Variants in CR1L observed in about 807,000 individuals in gnomAD.
CR1L encodes complement C3b/C4b receptor 1 like.
CR1L carries 59 observed loss-of-function variants against 62.3 expected under a neutral mutation model. The ratio of observed to expected loss-of-function variants is 0.95; its 90% CI spans 0.77 to 1.18. The LOEUF (loss-of-function observed/expected upper bound fraction) is 1.18. Among genes scored for constraint, CR1L ranks in the 50% most tolerant of loss-of-function variants. The pLI is 0.00. For missense variants in CR1L, 700 were observed against 702.8 expected (o/e 1.00, Z 0.04); for synonymous variants, 279 against 248.7 (o/e 1.12, Z -1.15).
At chr1:207,703,910 C>T (rs978268480) in intron 9 of CR1L, among the ~76,000 whole-genome samples, 4 of 151,704 alleles carry the variant, frequency 2.6e-5, no homozygotes, top group South Asian at 2.1e-4. Context: ...GCCGAGATTG[C>T]GTCACCGCAC....
intron 4 of CR1L, among the ~76,000 whole-genome samples, chr1:207,693,463 T>G (rs1368615837): frequency 6.6e-6 from 1 of 152,232 alleles, no homozygotes. Flanking sequence ...CTTGGAAATT[T>G]CTCAGTTATT....
chr1:207,672,066 C>G (rs1663622903), intron 1 of CR1L, among the ~76,000 whole-genome samples: 1 of 150,948 alleles, frequency 6.6e-6, no homozygotes, highest in South Asian at 2.1e-4. Context: ...TGTCAATGAT[C>G]TAAAGGCACC....
At chr1:207,707,823 T>G (rs1305776304) in intron 9 of CR1L, among the ~76,000 whole-genome samples, 1 of 46,124 alleles carries the variant, frequency 2.2e-5, no homozygotes. Context: ...CACACACATA[T>G]TAAGGGAATA....
Position 207,701,596 on chromosome 1 carries a change from A to G in CR1L, c.1306A>G (p.Ile436Val). 1 of 1,613,782 alleles carries G rather than the reference A, an allele frequency of 6.2e-7. No homozygotes were observed. Among genetic ancestry groups the G allele is most frequent in the African/African-American group, 1.3e-5 (1 of 75,026 alleles). Residue 436 changes from isoleucine to valine, a missense_variant, in exon 9 of 12, where the codon ATC becomes GTC. Ile to Val is a conservative substitution (Grantham distance 29, BLOSUM62 3). Coordinates refer to ENST00000508064, the MANE Select transcript of CR1L (RefSeq NM_175710.2). ...CACAGACATCCATGTTGGATCCAGA[A>G]TCAACTATTCTTGTACTACAGGGTG... ...VITDIHVGSR[I>V]NYSCTTGHRL...
At chr1:207,698,662 CTCT>C (rs200031575) in intron 7 of CR1L, among the ~76,000 whole-genome samples, 1 of 151,556 alleles carries the variant, frequency 6.6e-6, no homozygotes, top group Non-Finnish European at 1.5e-5. Context: ...ATTATGTCCT[CTCT>C]TCTTTCCTTT....
chr1:207,710,010 T>G (rs1664328143), intron 10 of CR1L, among the ~76,000 whole-genome samples: 2 of 152,116 alleles, frequency 1.3e-5, no homozygotes, highest in Non-Finnish European at 2.9e-5. Context: ...TAATTTGGGA[T>G]TTCAGAAAAG....
intron 1 of CR1L, chr1:207,655,233 G>T: frequency 2.9e-6 from 2 of 696,120 alleles, no homozygotes; most frequent in South Asian, 1.6e-5. Context: ...TGAACTTAAA[G>T]GATCAGTAGC....
intron 9 of CR1L, chr1:207,701,830 G>A: frequency 1.3e-6 from 1 of 764,042 alleles, no homozygotes; most frequent in Non-Finnish European, 2.3e-6. Flanking sequence ...CACACATAAA[G>A]AGTATGCCGT....
At chr1:207,656,096 G>A (rs1033918585) in intron 1 of CR1L, among the ~76,000 whole-genome samples, 5 of 152,166 alleles carry the variant, frequency 3.3e-5, no homozygotes, top group Admixed American at 3.3e-4. Context: ...AAATTAGCCA[G>A]GCGTGGTGGT....
chr1:207,709,432 A>G (rs1186250594), intron 10 of CR1L, among the ~76,000 whole-genome samples: 1 of 152,112 alleles, frequency 6.6e-6, no homozygotes. Context: ...TGTATGCTTT[A>G]TTATATTAAT....
intron 11 of CR1L, among the ~76,000 whole-genome samples, chr1:207,721,712 T>G (rs1571541601): frequency 1.3e-5 from 2 of 151,778 alleles, no homozygotes; most frequent in East Asian, 3.9e-4. Flanking sequence ...TACCCAGTAA[T>G]GGGATGGCTG....
At chr1:207,683,540 T>C (rs1373720484) in intron 3 of CR1L, among the ~76,000 whole-genome samples, 2 of 152,210 alleles carry the variant, frequency 1.3e-5, no homozygotes, top group Admixed American at 6.5e-5. Flanking sequence ...CACATACATA[T>C]GTATATATAT....
At chr1:207,661,942 A>G (rs1663431171) in intron 1 of CR1L, among the ~76,000 whole-genome samples, 1 of 152,118 alleles carries the variant, frequency 6.6e-6, no homozygotes, top group Non-Finnish European at 1.5e-5. Context: ...TGGGTTGAAA[A>G]TTCTTTTCTT....
intron 1 of CR1L, among the ~76,000 whole-genome samples, chr1:207,659,877 C>T (rs2102445061): frequency 6.6e-6 from 1 of 152,378 alleles, no homozygotes; most frequent in South Asian, 2.1e-4. Flanking sequence ...GGAGGTCCCA[C>T]GCCCACGGAG....
chr1:207,702,978 G>A (rs767458848), intron 9 of CR1L, among the ~76,000 whole-genome samples: 1 of 152,152 alleles, frequency 6.6e-6, no homozygotes, highest in Admixed American at 6.5e-5. Context: ...CAGCTACTCG[G>A]GAGTCTGAGG....
At chr1:207,666,611 A>C (rs1174213449) in intron 1 of CR1L, among the ~76,000 whole-genome samples, 1 of 152,224 alleles carries the variant, frequency 6.6e-6, no homozygotes, top group Non-Finnish European at 1.5e-5. Flanking sequence ...ACAGGAAACC[A>C]AATACTGCAT....
chr1:207,715,761 A>G (rs896439280), intron 10 of CR1L, among the ~76,000 whole-genome samples: 4 of 152,060 alleles, frequency 2.6e-5, no homozygotes, highest in Non-Finnish European at 5.9e-5. Context: ...CAGTGGTGCA[A>G]TCACAGCTCA....
intron 4 of CR1L, among the ~76,000 whole-genome samples, chr1:207,686,819 G>A (rs1663918766): frequency 6.6e-6 from 1 of 152,146 alleles, no homozygotes; most frequent in African/African-American, 2.4e-5. Flanking sequence ...GAGGCCTTTG[G>A]AAGGTGATGA....
chr1:207,683,929 T>G lies in CR1L; in HGVS notation c.435T>G (p.Ile145Met). 1 of 1,613,550 alleles carries G rather than the reference T, an allele frequency of 6.2e-7. No homozygotes were observed. Among genetic ancestry groups the G allele is most frequent in the Non-Finnish European group, 8.5e-7 (1 of 1,179,618 alleles). Residue 145 changes from isoleucine to methionine, a missense_variant, in exon 4 of 12, where the codon ATT (isoleucine) becomes ATG (methionine). Transcript: ENST00000508064. ...ATCIISGNTV[I>M]WDNKTPVCDR... The stretch of plus-strand genomic sequence containing the variant: ...GCATCATCTCAGGCAACACTGTCAT[T>G]TGGGATAATAAAACACCTGTTTGTG...
Sources: allele counts gnomAD v4.1 joint callset (sites outside exome capture counted in the v4.1 genomes callset), GRCh38; gene constraint gnomAD v4.1.1; transcripts MANE v1.5; gene names NCBI Gene and HGNC (gene_info 2026-07-23, HGNC 2026-07-21).